SLC35D1: variants seen among roughly 807,000 people sequenced by gnomAD.
The protein encoded by SLC35D1 is solute carrier family 35 member D1.
A neutral mutation model predicts 46.7 loss-of-function variants in SLC35D1; 31 were observed. The observed-to-expected ratio is 0.66, with a 90% CI of 0.50 to 0.90. The LOEUF is 0.90. Among genes scored for constraint, SLC35D1 ranks in the 40% least tolerant of loss-of-function variants. The probability of loss-of-function intolerance (pLI) is 0.00; values close to 1 mark genes in which losing one functional copy is unlikely to be tolerated. For missense variants in SLC35D1, 397 were observed against 426.2 expected (o/e 0.93, Z 0.60); for synonymous variants, 195 against 164.6 (o/e 1.18, Z -1.41).
In SLC35D1 at chr1:67,053,947, G is replaced by A. The variant is rs1285751372; in HGVS notation, c.67C>T (p.Leu23Phe). The change falls in exon 1 of 12, where the codon CTC becomes TTC. Residue 23 changes from leucine to phenylalanine, a missense_variant. Transcript: ENST00000235345. ...ATCCCCAGCTCCTCCTCATCTCGGA[G>A]TGTGGAGGATTTCGCGGGGGCTTCT... ...KGEAPAKSSTLRDEEELGMAS... is the reference protein window; with the variant it reads ...KGEAPAKSSTFRDEEELGMAS... 6.2e-7 allele frequency: 1 copy of A among 1,613,628 alleles called. No individual in the cohort carries two copies. The highest frequency in any genetic ancestry group is 1.3e-5 in the African/African-American group (1 of 74,922).
the SLC35D1 span, among the ~76,000 whole-genome samples, chr1:66,993,478 C>T: frequency 6.6e-6 from 1 of 152,082 alleles, no homozygotes; most frequent in African/African-American, 2.4e-5. Flanking sequence ...GACTGAATTT[C>T]CCGGTAGGTG....
At chr1:67,023,029 C>A (rs1384631228) in intron 8 of SLC35D1, among the ~76,000 whole-genome samples, 2 of 152,100 alleles carry the variant, frequency 1.3e-5, no homozygotes, top group East Asian at 3.8e-4. Flanking sequence ...TTTTTATTGC[C>A]AATTAGTATT....
intron 8 of SLC35D1, among the ~76,000 whole-genome samples, chr1:67,028,531 T>C (rs1667957907): frequency 6.6e-6 from 1 of 152,234 alleles, no homozygotes; most frequent in African/African-American, 2.4e-5. Flanking sequence ...CAAGAATATA[T>C]ACACTTAGGA....
chr1:67,045,120 A>T (rs1039775641), intron 7 of SLC35D1, among the ~76,000 whole-genome samples: 4 of 152,196 alleles, frequency 2.6e-5, no homozygotes, highest in Non-Finnish European at 5.9e-5. Flanking sequence ...GAGGATATGC[A>T]TGGAGGCACA....
chr1:66,985,382 T>G, the SLC35D1 span: 1 of 984,266 alleles, frequency 1.0e-6, no homozygotes, highest in Non-Finnish European at 1.2e-6. Context: ...CACCAAACAG[T>G]TTGAGTATCT....
Position 67,052,951 on chromosome 1 carries a change from C to G in SLC35D1, c.237+5G>C. 6.2e-7 allele frequency: 1 copy of G among 1,614,130 alleles called. No homozygotes were observed. The highest frequency in any genetic ancestry group is 1.1e-5 in the South Asian group (1 of 91,082). Reference sequence around the variant, plus strand: ...AACCACGTAATGGTGAGGATTCCAACTAACCTGGCCAAGTCCAACACATAG... The same window carrying G: ...AACCACGTAATGGTGAGGATTCCAAGTAACCTGGCCAAGTCCAACACATAG... On this transcript the variant is annotated splice_donor_5th_base_variant and intron_variant, in intron 2 of 11. Transcript: ENST00000235345.
At chr1:67,037,275 TTAAA>T (rs1449684047) in intron 8 of SLC35D1, among the ~76,000 whole-genome samples, 4 of 152,108 alleles carry the variant, frequency 2.6e-5, no homozygotes, top group African/African-American at 7.2e-5. Flanking sequence ...AAACTTTTAG[TTAAA>T]TAAAAATATT....
chr1:67,041,484 A>G (rs1645179335), intron 8 of SLC35D1, among the ~76,000 whole-genome samples: 1 of 152,226 alleles, frequency 6.6e-6, no homozygotes, highest in Admixed American at 6.5e-5. Context: ...TAAATGACCA[A>G]CATACTTATT....
chr1:67,020,691 T>TA (rs1379935769), intron 9 of SLC35D1, among the ~76,000 whole-genome samples: 1 of 152,186 alleles, frequency 6.6e-6, no homozygotes, highest in Non-Finnish European at 1.5e-5. Context: ...AACCATCTCT[T>TA]ACAATCATGA....
At chr1:66,978,317 A>G in the SLC35D1 span, among the ~76,000 whole-genome samples, 1 of 152,052 alleles carries the variant, frequency 6.6e-6, no homozygotes, top group Non-Finnish European at 1.5e-5. Flanking sequence ...TCACTTCCTT[A>G]GAAGGTCAAA....
chr1:66,990,060 T>A, the SLC35D1 span, among the ~76,000 whole-genome samples: 1 of 152,192 alleles, frequency 6.6e-6, no homozygotes, highest in Non-Finnish European at 1.5e-5. Context: ...TTTTGAAAGG[T>A]ACTCCCTTAA....
intron 6 of SLC35D1, among the ~76,000 whole-genome samples, chr1:67,048,799 T>G (rs910576419): frequency 2.0e-5 from 3 of 152,230 alleles, no homozygotes; most frequent in African/African-American, 7.2e-5. Context: ...TCATGTATTT[T>G]AAAACTAAAA....
the SLC35D1 span, chr1:66,988,263 C>G: frequency 6.6e-6 from 1 of 152,308 alleles, no homozygotes; most frequent in Admixed American, 6.5e-5. Context: ...TGACTCTCTT[C>G]TCTCAAAATG....
chr1:67,019,776 G>C (rs1453271595), intron 10 of SLC35D1, among the ~76,000 whole-genome samples: 1 of 152,198 alleles, frequency 6.6e-6, no homozygotes, highest in Non-Finnish European at 1.5e-5. Context: ...CACAAAGTCA[G>C]ATGAAAGAGG....
At chr1:66,982,745 G>A in the SLC35D1 span, among the ~76,000 whole-genome samples, 39 of 152,266 alleles carry the variant, frequency 2.6e-4, no homozygotes, top group Non-Finnish European at 4.7e-4. Context: ...TCTCACATTG[G>A]TCCTGCTGGA....
chr1:67,013,799 A>G (rs912760046), intron 10 of SLC35D1, among the ~76,000 whole-genome samples: 1 of 152,176 alleles, frequency 6.6e-6, no homozygotes, highest in African/African-American at 2.4e-5. Context: ...GGTGACTGGT[A>G]ACAGCTGTTT....
chr1:67,031,931 A>T, intron 8 of SLC35D1: 1 of 458,184 alleles, frequency 2.2e-6, no homozygotes, highest in Non-Finnish European at 2.9e-6. Context: ...ACATTTTGTT[A>T]ATCAGGAAAA....
intron 8 of SLC35D1, 104 bp from the exon 9 acceptor site, chr1:67,021,706 GAC>G (rs1304759407): frequency 4.9e-5 from 12 of 243,290 alleles, no homozygotes; most frequent in Non-Finnish European, 9.2e-5. Context: ...CACAGACACA[GAC>G]ACAGACACAG....
chr1:67,049,843 A>G lies in SLC35D1; in HGVS notation c.472T>C (p.Phe158Leu). ...FAEGVLLKKTFSWGIKMTVFA... is the reference protein window; with the variant it reads ...FAEGVLLKKTLSWGIKMTVFA... ...ACAGTCATTTTAATACCCCAAGAAA[A>G]AGTCTTCCTACAAAACAAAAAATTT... The change falls in exon 6 of 12, where the codon TTT becomes CTT. Residue 158 changes from phenylalanine to leucine, a missense_variant. Phe to Leu is a conservative substitution (Grantham distance 22, BLOSUM62 0). Transcript: ENST00000235345. 2 of 1,613,178 alleles carry G rather than the reference A, an allele frequency of 1.2e-6. No individual in the cohort carries two copies. Among genetic ancestry groups the G allele is most frequent in the Non-Finnish European group, 1.7e-6 (2 of 1,179,516 alleles).
Sources: gnomAD v4.1 joint callset for allele counts (sites outside exome capture counted in the v4.1 genomes callset) on GRCh38, gnomAD v4.1.1 for gene constraint, MANE v1.5 for transcripts, NCBI Gene and HGNC (gene_info 2026-07-23, HGNC 2026-07-21) for gene names.